Variants in CHIC1 observed in about 807,000 individuals in gnomAD.
The protein encoded by CHIC1 is cysteine rich hydrophobic domain 1.
In CHIC1, 7 loss-of-function variants were observed where a neutral mutation model predicts 18.5. That is an observed-to-expected ratio of 0.38 (90% CI 0.22 to 0.71). The LOEUF (loss-of-function observed/expected upper bound fraction) is 0.71, where lower values mean the gene tolerates loss of function less well. CHIC1 is among the 30% of genes least tolerant of loss of function. The pLI, the probability that CHIC1 is intolerant of heterozygous loss-of-function variation, is 0.49. For synonymous variants in CHIC1, 77 were observed against 73.5 expected, an observed-to-expected ratio of 1.05 and a Z score of -0.25; for missense variants, 159 against 176.9, an observed-to-expected ratio of 0.90 and a Z score of 0.57.
In CHIC1 at chrX:73,685,091, G is replaced by T. The variant is rs772839497; in HGVS notation, c.*4086G>T. 1.8e-5 allele frequency: 2 copies of T among 111,446 alleles called. No homozygotes were observed. The highest frequency in any genetic ancestry group is 3.8e-5 in the Non-Finnish European group (2 of 52,871). The allele number at this position is 111,446 out of a possible 1,213,427, so 9.2% of individuals were successfully genotyped here. A position where few individuals can be genotyped will look rare whatever the true frequency, so the allele number is the denominator to read the frequency against. On this transcript the variant is annotated 3_prime_UTR_variant, in exon 6 of 6. Coordinates refer to ENST00000373502, the MANE Select transcript of CHIC1 (RefSeq NM_001039840.4). The stretch of plus-strand genomic sequence containing the variant: ...ATCACTTAACATTCTGTGATTCAAG[G>T]AATTCTTAGGACATTTTTACTCTAT...
chrX:73,630,272 T>C (rs1321810442), intron 3 of CHIC1, among the ~76,000 whole-genome samples: 1 of 111,560 alleles, frequency 9.0e-6, no homozygotes, highest in Non-Finnish European at 1.9e-5. Flanking sequence ...TATTGCCTAA[T>C]TGCACTGGCT....
intron 3 of CHIC1, among the ~76,000 whole-genome samples, chrX:73,597,299 G>A (rs1390264536): frequency 9.0e-6 from 1 of 111,038 alleles, no homozygotes; most frequent in Non-Finnish European, 1.9e-5. Flanking sequence ...TTGAAGAGAT[G>A]TCTGTTTACA....
intron 3 of CHIC1, among the ~76,000 whole-genome samples, chrX:73,673,190 C>T (rs1174012353): frequency 9.0e-6 from 1 of 111,687 alleles, no homozygotes; most frequent in African/African-American, 3.3e-5. Context: ...ATGATGCCTC[C>T]AGCTTTGTTC....
intron 3 of CHIC1, among the ~76,000 whole-genome samples, chrX:73,592,833 G>C (rs2057588803): frequency 9.1e-6 from 1 of 110,478 alleles, no homozygotes; most frequent in Non-Finnish European, 1.9e-5. Context: ...ATCTGGTTTA[G>C]GGTTTTTCTT....
intron 3 of CHIC1, among the ~76,000 whole-genome samples, chrX:73,653,157 A>C: frequency 9.1e-6 from 1 of 110,234 alleles, no homozygotes. Flanking sequence ...CTCACTCATA[A>C]GTGGGAGTTG....
intron 1 of CHIC1, among the ~76,000 whole-genome samples, chrX:73,571,302 C>A (rs1224697644): frequency 9.1e-6 from 1 of 110,103 alleles, no homozygotes; most frequent in Non-Finnish European, 1.9e-5. Flanking sequence ...AAATAGAGGT[C>A]TATTTAAAAT....
chrX:73,656,333 T>G (rs1195703389), intron 3 of CHIC1, among the ~76,000 whole-genome samples: 1 of 111,950 alleles, frequency 8.9e-6, no homozygotes, highest in Non-Finnish European at 1.9e-5. Flanking sequence ...TTTTTGCTTT[T>G]GTTGCAATTG....
intron 3 of CHIC1, among the ~76,000 whole-genome samples, chrX:73,586,174 G>A (rs1401612938): frequency 1.8e-5 from 2 of 111,405 alleles, no homozygotes; most frequent in African/African-American, 6.5e-5. Flanking sequence ...ATGGCTATAT[G>A]TCAGCAGTTG....
intron 2 of CHIC1, among the ~76,000 whole-genome samples, chrX:73,579,292 A>C (rs992327498): frequency 1.8e-5 from 2 of 109,832 alleles, no homozygotes; most frequent in African/African-American, 6.6e-5. Flanking sequence ...GCTGATAGTT[A>C]CCTCACTTTT....
At chrX:73,649,876 G>A (rs1446014984) in intron 3 of CHIC1, among the ~76,000 whole-genome samples, 1 of 112,413 alleles carries the variant, frequency 8.9e-6, no homozygotes, top group African/African-American at 3.2e-5. Flanking sequence ...CCCCAAATCT[G>A]CAGAATATAC....
intron 3 of CHIC1, among the ~76,000 whole-genome samples, chrX:73,676,560 C>T (rs185687165): frequency 6.2e-4 from 69 of 111,943 alleles, no homozygotes; most frequent in African/African-American, 2.1e-3. Flanking sequence ...ACGTAGCTCT[C>T]GTGCCTTGGT....
chrX:73,589,704 A>G (rs774423661), intron 3 of CHIC1, among the ~76,000 whole-genome samples: 3 of 111,328 alleles, frequency 2.7e-5, no homozygotes, highest in Non-Finnish European at 5.7e-5. Flanking sequence ...GTTCTTTATC[A>G]CATGCCTCAA....
In CHIC1 at chrX:73,683,071, T is replaced by C. The variant is rs1383503894; in HGVS notation, c.*2066T>C. 1.8e-5 allele frequency: 2 copies of C among 111,176 alleles called. No individual in the cohort carries two copies. The highest frequency in any genetic ancestry group is 9.6e-5 in the Admixed American group (1 of 10,448). 9.2% of individuals were successfully genotyped at this position (111,176 alleles called of 1,213,427 possible). On this transcript the variant is annotated 3_prime_UTR_variant, in exon 6 of 6. Transcript: ENST00000373502. ...ATGGTCATAGGAACTTTTTCTGCCATGTATAAATCACACTTGGTTTTGCTC... is the reference window on the plus strand; with the variant it reads ...ATGGTCATAGGAACTTTTTCTGCCACGTATAAATCACACTTGGTTTTGCTC...
chrX:73,579,497 A>G (rs915751818), intron 2 of CHIC1, among the ~76,000 whole-genome samples: 2 of 110,622 alleles, frequency 1.8e-5, no homozygotes, highest in African/African-American at 6.5e-5. Context: ...TCTAATTCTA[A>G]GAGAATACAT....
At chrX:73,563,188 C>G (rs1240171448), upstream of CHIC1, 1 of 1,004,598 alleles carries the variant, frequency 1.0e-6, no homozygotes, top group Non-Finnish European at 1.3e-6. Context: ...CCCTACACCC[C>G]TCCTCTTTCT....
At chrX:73,678,202 G>A (rs1188843173) in intron 3 of CHIC1, among the ~76,000 whole-genome samples, 1 of 112,024 alleles carries the variant, frequency 8.9e-6, no homozygotes, top group East Asian at 2.8e-4. Flanking sequence ...TTTCAGCAGT[G>A]TCTTTGAGTT....
chrX:73,641,051 C>CA (rs1299179286), intron 3 of CHIC1, among the ~76,000 whole-genome samples: 2 of 111,743 alleles, frequency 1.8e-5, no homozygotes, highest in African/African-American at 6.5e-5. Context: ...ATCATGTTCT[C>CA]ATTAGTTTCA....
rs746513103 is a variant in CHIC1, at chrX:73,669,675, G to A, written c.508-9651G>A. On this transcript the variant is annotated intron_variant, in intron 3 of 5. Transcript: ENST00000373502. ...CAATCTGGCCAAGCCACTGTGCTGC[G>A]TTGCTGGGGAGCCCCTTTCTCCTCC... 2.1e-4 allele frequency among the ~76,000 whole-genome samples: 23 copies of A among 112,012 alleles called. No homozygotes were observed. The East Asian group carries it at 5.4e-3, about 26-fold the overall frequency.
chrX:73,629,724 A>G (rs1286479805), intron 3 of CHIC1, among the ~76,000 whole-genome samples: 1 of 111,954 alleles, frequency 8.9e-6, no homozygotes, highest in Non-Finnish European at 1.9e-5. Flanking sequence ...CAGGAAGATT[A>G]GGGACTCCAG....
Sources: allele counts gnomAD v4.1 joint callset (sites outside exome capture counted in the v4.1 genomes callset), GRCh38; gene constraint gnomAD v4.1.1; transcripts MANE v1.5; gene names NCBI Gene and HGNC (gene_info 2026-07-23, HGNC 2026-07-21).